The following DMRT1 variants were observed in gnomAD, a reference collection of about 807,000 sequenced individuals.
The protein encoded by DMRT1 is doublesex and mab-3 related transcription factor 1, also known as doublesex- and mab-3-related transcription factor 1.
In DMRT1, 7 loss-of-function variants were observed where a neutral mutation model predicts 32.3. That is an observed-to-expected ratio of 0.22 (90% CI 0.12 to 0.41). DMRT1 has a LOEUF of 0.41. Among genes scored for constraint, DMRT1 ranks in the 10% least tolerant of loss-of-function variants. The pLI is 1.00. For missense variants in DMRT1, 625 were observed against 500.5 expected, an observed-to-expected ratio of 1.25 and a Z score of -2.37; for synonymous variants, 278 against 206.1, an observed-to-expected ratio of 1.35 and a Z score of -2.99.
intron 4 of DMRT1, among the ~76,000 whole-genome samples, chr9:960,884 G>A (rs1399451778): frequency 1.3e-5 from 2 of 152,136 alleles, no homozygotes; most frequent in Non-Finnish European, 2.9e-5. Flanking sequence ...TGGAGTGGGG[G>A]AGCAGTGCTG....
At position 894,791 on chromosome 9, in the gene DMRT1, G is replaced by GTTTTTTTTTTT. The variant is rs1231759673; in HGVS notation, c.822+597_822+607dup. The GTTTTTTTTTTT allele has an allele frequency of 2.7e-5, 4 of 147,954 alleles. No homozygotes were observed. The East Asian group carries it at 8.1e-4, about 30-fold the overall frequency. The allele number at this position is 147,954 out of a possible 1,614,324, so 9.2% of individuals were successfully genotyped here. A position where few individuals can be genotyped will look rare whatever the true frequency, so the allele number is the denominator to read the frequency against. ...GGTCAGTCTTTCATTCTCCAAGTTT[G>GTTTTTTTTTTT]TTTTTTTTTTTGTTTGTTTGTTTGT... On this transcript the variant is annotated intron_variant, in intron 3 of 4. Transcript: ENST00000382276.
At chr9:845,622 C>CA (rs1838871987) in intron 1 of DMRT1, among the ~76,000 whole-genome samples, 1 of 152,140 alleles carries the variant, frequency 6.6e-6, no homozygotes, top group African/African-American at 2.4e-5. Flanking sequence ...TCTGGAATAT[C>CA]ACACACCTGT....
At chr9:920,885 G>T (rs554902933) in intron 4 of DMRT1, among the ~76,000 whole-genome samples, 16 of 152,280 alleles carry the variant, frequency 1.1e-4, no homozygotes, top group African/African-American at 3.9e-4. Flanking sequence ...ACTTGTCTAA[G>T]AGGGGAGATA....
intron 3 of DMRT1, among the ~76,000 whole-genome samples, chr9:907,140 A>G (rs1817804970): frequency 6.6e-6 from 1 of 152,214 alleles, no homozygotes; most frequent in Non-Finnish European, 1.5e-5. Context: ...CTTAAGAAGC[A>G]TTGTAGATGC....
chr9:886,728 G>A (rs990523318), intron 2 of DMRT1, among the ~76,000 whole-genome samples: 1 of 152,040 alleles, frequency 6.6e-6, no homozygotes, highest in African/African-American at 2.4e-5. Context: ...GTTTTGTGGC[G>A]TATCAGTTGG....
intron 1 of DMRT1, among the ~76,000 whole-genome samples, chr9:846,751 C>A (rs1838923086): frequency 6.6e-6 from 1 of 152,154 alleles, no homozygotes. Context: ...TGGCAACAAG[C>A]ATTTTTTGAG....
intron 2 of DMRT1, among the ~76,000 whole-genome samples, chr9:847,633 G>C (rs140484889): frequency 2.6e-5 from 4 of 151,644 alleles, no homozygotes; most frequent in African/African-American, 9.6e-5. Flanking sequence ...AAGGAGGAAT[G>C]TGTTCTTTTT....
At chr9:948,429 C>G (rs1819318977) in intron 4 of DMRT1, among the ~76,000 whole-genome samples, 1 of 152,120 alleles carries the variant, frequency 6.6e-6, no homozygotes, top group Non-Finnish European at 1.5e-5. Flanking sequence ...ATCTGGGTGT[C>G]TGGTAGCTTT....
In DMRT1 at chr9:871,954, C is replaced by T. The variant is rs557373983; in HGVS notation, c.539-21958C>T. ...TATATTTTCTTCATCTCTCTATATA[C>T]CTATTTACATTTTTCTATTGATTTC... On this transcript the variant is annotated intron_variant, in intron 2 of 4. Coordinates refer to ENST00000382276, the MANE Select transcript of DMRT1 (RefSeq NM_021951.3). Among the ~76,000 whole-genome samples, 5 of 151,618 alleles carry T rather than the reference C, an allele frequency of 3.3e-5. No homozygotes were observed. The South Asian group carries it at 8.3e-4, about 25-fold the overall frequency.
intron 3 of DMRT1, among the ~76,000 whole-genome samples, chr9:906,385 C>G (rs1329344412): frequency 6.6e-6 from 1 of 152,172 alleles, no homozygotes; most frequent in Non-Finnish European, 1.5e-5. Flanking sequence ...TAAAAGTATC[C>G]TAATGTTTCT....
rs1586665040 is a variant in DMRT1, at chr9:958,038, TAA to T, written c.968-9946_968-9945del. 2.6e-5 allele frequency among the ~76,000 whole-genome samples: 4 copies of T among 152,238 alleles called. No homozygotes were observed. In the South Asian group the frequency reaches 8.3e-4, roughly 32 times the overall value. On this transcript the variant is annotated intron_variant, in intron 4 of 4. Transcript: ENST00000382276. ...AAAAGAAGAAAAAGATGAAAAATAC[TAA>T]TAATTTATGAATCTTAAATTTTCAT... is the stretch of plus-strand genomic sequence containing the variant.
intron 2 of DMRT1, among the ~76,000 whole-genome samples, chr9:856,988 C>G (rs1815425783): frequency 1.3e-5 from 2 of 152,160 alleles, no homozygotes; most frequent in South Asian, 4.1e-4. Context: ...ATGAAGGATT[C>G]TTTAGGTTTG....
chr9:932,222 A>G (rs576771840), intron 4 of DMRT1, among the ~76,000 whole-genome samples: 16 of 152,308 alleles, frequency 1.1e-4, no homozygotes, highest in East Asian at 9.6e-4. Flanking sequence ...AATCCATGCC[A>G]TCTTTGCCTT....
At chr9:842,253 T>TC in intron 1 of DMRT1, 61 bp downstream of exon 1, 3 of 1,442,532 alleles carry the variant, frequency 2.1e-6, no homozygotes, top group Non-Finnish European at 2.8e-6. Context: ...TTTTTTTTTT[T>TC]AGATGGAGTC....
At chr9:943,984 G>T (rs1006654029) in intron 4 of DMRT1, among the ~76,000 whole-genome samples, 4 of 152,152 alleles carry the variant, frequency 2.6e-5, no homozygotes, top group African/African-American at 9.7e-5. Flanking sequence ...ATGGTTGAGA[G>T]TACTGTGTTT....
At chr9:880,068 G>C (rs1816669931) in intron 2 of DMRT1, among the ~76,000 whole-genome samples, 1 of 152,176 alleles carries the variant, frequency 6.6e-6, no homozygotes. Context: ...TGTTTTCCTT[G>C]AAGTGACAGG....
chr9:967,717 T>G (rs1017671411), intron 4 of DMRT1, among the ~76,000 whole-genome samples: 7 of 152,194 alleles, frequency 4.6e-5, no homozygotes, highest in Admixed American at 1.3e-4. Context: ...CTTGTTTTGT[T>G]TTTTAATGAA....
chr9:879,738 C>G (rs1329037179), intron 2 of DMRT1, among the ~76,000 whole-genome samples: 2 of 152,194 alleles, frequency 1.3e-5, no homozygotes. Flanking sequence ...CAAGATCAGA[C>G]TAGATCTGCT....
At chr9:923,101 C>T (rs2129810881) in intron 4 of DMRT1, among the ~76,000 whole-genome samples, 1 of 152,304 alleles carries the variant, frequency 6.6e-6, no homozygotes, top group East Asian at 1.9e-4. Flanking sequence ...ACCAGGACTG[C>T]ATGCAAAATG....
Sources: allele counts gnomAD v4.1 joint callset (sites outside exome capture counted in the v4.1 genomes callset), GRCh38; gene constraint gnomAD v4.1.1; transcripts MANE v1.5; gene names NCBI Gene and HGNC (gene_info 2026-07-23, HGNC 2026-07-21).